ACTR3: variants seen among roughly 807,000 people sequenced by gnomAD.
ACTR3 encodes actin-related protein 3.
ACTR3 carries 12 observed loss-of-function variants against 56.8 expected under a neutral mutation model. That is an observed-to-expected ratio of 0.21 (90% CI 0.14 to 0.34). The LOEUF (loss-of-function observed/expected upper bound fraction) is 0.34, where lower values mean the gene tolerates loss of function less well. Among genes scored for constraint, ACTR3 ranks in the 10% least tolerant of loss-of-function variants. The pLI is 1.00. For synonymous variants in ACTR3, 162 were observed against 167.4 expected (o/e 0.97, Z 0.25); for missense variants, 282 against 512.5 (o/e 0.55, Z 4.34).
intron 1 of ACTR3, among the ~76,000 whole-genome samples, chr2:113,908,335 G>A (rs1317520596): frequency 6.7e-6 from 1 of 149,464 alleles, no homozygotes; most frequent in African/African-American, 2.5e-5. Context: ...GGTGACTATC[G>A]AATTTTTAGA....
At chr2:113,906,001 T>A (rs915630789) in intron 1 of ACTR3, among the ~76,000 whole-genome samples, 1 of 152,270 alleles carries the variant, frequency 6.6e-6, no homozygotes, top group Non-Finnish European at 1.5e-5. Flanking sequence ...TCAGTTCTTT[T>A]GGGTATATAC....
At chr2:113,892,875 GC>G (rs1461184808) in intron 1 of ACTR3, among the ~76,000 whole-genome samples, 3 of 152,152 alleles carry the variant, frequency 2.0e-5, no homozygotes, top group Admixed American at 2.0e-4. Context: ...AGATAGGAAA[GC>G]TGTTAAGAGT....
At chr2:113,894,264 T>C (rs1340281632) in intron 1 of ACTR3, among the ~76,000 whole-genome samples, 2 of 152,116 alleles carry the variant, frequency 1.3e-5, no homozygotes, top group Non-Finnish European at 2.9e-5. Flanking sequence ...AGCTAAATTT[T>C]GTATTTTTAG....
At chr2:113,891,447 T>G (rs2104575197) in intron 1 of ACTR3, among the ~76,000 whole-genome samples, 1 of 151,740 alleles carries the variant, frequency 6.6e-6, no homozygotes, top group South Asian at 2.1e-4. Flanking sequence ...ACCACACTCA[T>G]AACTGCATAG....
At chr2:113,895,952 A>G (rs915175697) in intron 1 of ACTR3, among the ~76,000 whole-genome samples, 1 of 151,770 alleles carries the variant, frequency 6.6e-6, no homozygotes, top group Admixed American at 6.7e-5. Flanking sequence ...TCAAACTCCT[A>G]TGTTCAAGCT....
rs1680291291 is a variant in ACTR3, at chr2:113,959,643, G to C, written c.*2188G>C. 6.6e-6 allele frequency: 1 copy of C among 152,012 alleles called. No individual in the cohort carries two copies. The highest frequency in any genetic ancestry group is 2.4e-5 in the African/African-American group (1 of 41,418). The allele number at this position is 152,012 out of a possible 1,614,324, so 9.4% of individuals were successfully genotyped here. A position where few individuals can be genotyped will look rare whatever the true frequency, so the allele number is the denominator to read the frequency against. On this transcript the variant is annotated 3_prime_UTR_variant, in exon 12 of 12. Coordinates refer to ENST00000263238, the MANE Select transcript of ACTR3 (RefSeq NM_005721.5). ...ACTTTTAGAGGAGTGAACCCTAATAGGATGGTAGCAGCATTCTTGTTTCTT... is the reference window on the plus strand; with the variant it reads ...ACTTTTAGAGGAGTGAACCCTAATACGATGGTAGCAGCATTCTTGTTTCTT...
At chr2:113,928,836 T>C (rs1679666447) in intron 4 of ACTR3, among the ~76,000 whole-genome samples, 1 of 152,234 alleles carries the variant, frequency 6.6e-6, no homozygotes, top group South Asian at 2.1e-4. Flanking sequence ...GAAATTACTA[T>C]CAGCGTGGAA....
Position 113,957,503 on chromosome 2 carries a change from C to A in ACTR3, c.*48C>A. ...GTTAGGGAGGTGGGGAAGAGATAAT[C>A]TTTCTGATTACCTGTTTTGTCTGGA... is the stretch of plus-strand genomic sequence containing the variant. On this transcript the variant is annotated 3_prime_UTR_variant, in exon 12 of 12. Transcript: ENST00000263238. 1 of 1,468,704 alleles carries A rather than the reference C, an allele frequency of 6.8e-7. No individual in the cohort carries two copies. Among genetic ancestry groups the A allele is most frequent in the Non-Finnish European group, 9.5e-7 (1 of 1,050,258 alleles). The allele number at this position is 1,468,704 out of a possible 1,614,324, so 91.0% of individuals were successfully genotyped here.
chr2:113,956,880 A>G (rs745685147), intron 11 of ACTR3, among the ~76,000 whole-genome samples: 1 of 152,220 alleles, frequency 6.6e-6, no homozygotes, highest in African/African-American at 2.4e-5. Context: ...AAATGAGGTA[A>G]CACAGCATGG....
In ACTR3 at chr2:113,927,405, G is replaced by A. The variant is rs773329763; in HGVS notation, c.286G>A (p.Val96Met). Residue 96 changes from valine to methionine, a missense_variant, in exon 4 of 12, where the codon GTG becomes ATG. Coordinates refer to ENST00000263238, the MANE Select transcript of ACTR3 (RefSeq NM_005721.5). ...WDLMERFMEQ[V>M]IFKYLRAEPE... is the part of the protein sequence containing the mutation. ...CTTAATGGAAAGGTTTATGGAGCAA[G>A]TGATCTTTAAATATTTAAGGGCAGA... The A allele has an allele frequency of 3.1e-6, 5 of 1,595,152 alleles. No individual in the cohort carries two copies. Among genetic ancestry groups the A allele is most frequent in the Non-Finnish European group, 4.3e-6 (5 of 1,168,642 alleles).
intron 1 of ACTR3, among the ~76,000 whole-genome samples, chr2:113,894,629 A>G (rs968508550): frequency 6.6e-6 from 1 of 152,166 alleles, no homozygotes; most frequent in African/African-American, 2.4e-5. Context: ...TTGGATTGCA[A>G]ATACTATATT....
intron 10 of ACTR3, 114 bp from the exon 11 acceptor site, chr2:113,955,509 A>G: frequency 1.4e-6 from 1 of 735,828 alleles, no homozygotes; most frequent in East Asian, 2.9e-5. Flanking sequence ...TTTGTAAGAT[A>G]CCACCTGAAT....
chr2:113,941,529 A>G (rs899421819), intron 7 of ACTR3, among the ~76,000 whole-genome samples: 108 of 152,270 alleles, frequency 7.1e-4, no homozygotes, highest in African/African-American at 2.5e-3. Flanking sequence ...TGATGTGTAA[A>G]AATACTGGAA....
At chr2:113,956,265 G>A (rs1196217749) in intron 11 of ACTR3, among the ~76,000 whole-genome samples, 1 of 151,562 alleles carries the variant, frequency 6.6e-6, no homozygotes. Context: ...GAAGAACAAA[G>A]CAAATTCCTT....
intron 1 of ACTR3, 43 bp from the exon 2 acceptor site, chr2:113,913,129 C>G (rs780402373): frequency 7.6e-7 from 1 of 1,310,980 alleles, no homozygotes; most frequent in South Asian, 1.3e-5. Context: ...TGTATAATTG[C>G]TAAAATATTA....
rs572749099 is a variant in ACTR3, at chr2:113,933,448, C to T, written c.433-831C>T. Among the ~76,000 whole-genome samples, 4 of 152,078 alleles carry T rather than the reference C, an allele frequency of 2.6e-5. No homozygotes were observed. In the South Asian group the frequency reaches 6.2e-4, roughly 24 times the overall value. On this transcript the variant is annotated intron_variant, in intron 5 of 11. Transcript: ENST00000263238. ...GCTTGAACCCAAGAGGCGGAGATTG[C>T]GGTGAGCCGAGATCGTGCCACTGCA...
At chr2:113,931,464 T>TA in intron 5 of ACTR3, 68 bp downstream of exon 5, 1 of 1,083,798 alleles carries the variant, frequency 9.2e-7, no homozygotes, top group Non-Finnish European at 1.3e-6. Flanking sequence ...CTGCCTAAAA[T>TA]ACGTACTTTT....
chr2:113,943,615 A>G (rs573565390), intron 8 of ACTR3, among the ~76,000 whole-genome samples: 59 of 152,300 alleles, frequency 3.9e-4, no homozygotes, highest in African/African-American at 7.5e-4. Flanking sequence ...AGTGAGAATG[A>G]GGAAGGAGGT....
At chr2:113,902,081 ACTTT>A (rs887281488) in intron 1 of ACTR3, among the ~76,000 whole-genome samples, 8 of 152,172 alleles carry the variant, frequency 5.3e-5, no homozygotes, top group African/African-American at 9.7e-5. Context: ...AATTATACTT[ACTTT>A]ATCTTTCTTG....
Sources: gnomAD v4.1 joint callset for allele counts (sites outside exome capture counted in the v4.1 genomes callset) on GRCh38, gnomAD v4.1.1 for gene constraint, MANE v1.5 for transcripts, NCBI Gene and HGNC (gene_info 2026-07-23, HGNC 2026-07-21) for gene names.